Variants in INO80D observed in about 807,000 individuals in gnomAD.
INO80D encodes INO80 complex subunit D.
Under a neutral mutation model 87.6 loss-of-function variants are expected in INO80D, and 21 were observed. The ratio of observed to expected loss-of-function variants is 0.24; its 90% CI spans 0.17 to 0.35. The LOEUF is 0.35. Among genes scored for constraint, INO80D ranks in the 10% least tolerant of loss-of-function variants. The pLI, the probability that INO80D is intolerant of heterozygous loss-of-function variation, is 1.00. For synonymous variants in INO80D, 440 were observed against 491.0 expected (o/e 0.90, Z 1.37); for missense variants, 982 against 1,280.7 (o/e 0.77, Z 3.56).
intron 5 of INO80D, among the ~76,000 whole-genome samples, chr2:206,045,843 C>CAAGA (rs951038239): frequency 2.6e-5 from 4 of 152,148 alleles, no homozygotes; most frequent in Middle Eastern, 3.2e-3. Context: ...TACAGAGAGG[C>CAAGA]AAGATAGTGG....
In INO80D at chr2:206,004,192, C is replaced by CA; in HGVS notation, c.*175dup. 1 of 636,358 alleles carries CA rather than the reference C, an allele frequency of 1.6e-6. No homozygotes were observed. Among genetic ancestry groups the CA allele is most frequent in the Non-Finnish European group, 2.7e-6 (1 of 368,736 alleles). 39.4% of individuals were successfully genotyped at this position (636,358 alleles called of 1,614,324 possible). A position where few individuals can be genotyped will look rare whatever the true frequency, so the allele number is the denominator to read the frequency against. ...GAATGAGCACCAGTGCTAAGGAGCA[C>CA]ATGTGAACACTGTAGCGAGGTCCAC... On this transcript the variant is annotated 3_prime_UTR_variant, in exon 11 of 11. Coordinates refer to ENST00000403263, the MANE Select transcript of INO80D (RefSeq NM_017759.5). The surrounding 1 kb of genome is among the most constrained non-coding windows in gnomAD (Gnocchi z 4.9).
At position 206,003,955 on chromosome 2, in the gene INO80D, T is replaced by G; in HGVS notation, c.*413A>C. 4 of 187,210 alleles carry G rather than the reference T, an allele frequency of 2.1e-5. No homozygotes were observed. The highest frequency in any genetic ancestry group is 1.3e-4 in the South Asian group (1 of 7,818). The allele number at this position is 187,210 out of a possible 1,614,324, so 11.6% of individuals were successfully genotyped here. Reference sequence around the variant, plus strand: ...CATTTGCTGTCTCTTATACAGGAACTCAATTAATAAGATCATTCTATCTAG... The same window carrying G: ...CATTTGCTGTCTCTTATACAGGAACGCAATTAATAAGATCATTCTATCTAG... On this transcript the variant is annotated 3_prime_UTR_variant, in exon 11 of 11. Transcript: ENST00000403263.
At chr2:206,079,949 T>G (rs1173777300) in intron 1 of INO80D, among the ~76,000 whole-genome samples, 1 of 152,162 alleles carries the variant, frequency 6.6e-6, no homozygotes, top group Non-Finnish European at 1.5e-5. Flanking sequence ...AATGCCGAAC[T>G]CCTCCCATTC....
chr2:206,078,151 C>T (rs1221294521), intron 1 of INO80D, among the ~76,000 whole-genome samples: 2 of 149,834 alleles, frequency 1.3e-5, no homozygotes, highest in Non-Finnish European at 3.0e-5. Flanking sequence ...AGCACAGTGG[C>T]TCAGGCCTGT....
In INO80D at chr2:205,997,019, C is replaced by A. The variant is rs895044046; in HGVS notation, c.*7349G>T. On this transcript the variant is annotated 3_prime_UTR_variant, in exon 11 of 11. Coordinates refer to ENST00000403263, the MANE Select transcript of INO80D (RefSeq NM_017759.5). ...GAGCTTTCCTAGATCTTCACTATAT[C>A]TAAGATGAAGTAAATGATGCTCAAG... The A allele has an allele frequency of 4.6e-5, 7 of 152,002 alleles. No individual in the cohort carries two copies. 9.4% of individuals were successfully genotyped at this position (152,002 alleles called of 1,614,324 possible).
chr2:206,006,607 T>A (rs1380892010), intron 10 of INO80D, among the ~76,000 whole-genome samples: 1 of 138,796 alleles, frequency 7.2e-6, no homozygotes, highest in Non-Finnish European at 1.5e-5. Context: ...CGCTGGAACA[T>A]GGGAGGCAGA....
intron 5 of INO80D, among the ~76,000 whole-genome samples, chr2:206,043,595 C>A (rs1350261041): frequency 6.6e-6 from 1 of 152,200 alleles, no homozygotes; most frequent in Non-Finnish European, 1.5e-5. Flanking sequence ...TCACGCCATT[C>A]TCCTGCCTCA....
chr2:206,017,164 T>C (rs143170836), intron 8 of INO80D, among the ~76,000 whole-genome samples: 133 of 152,314 alleles, frequency 8.7e-4, no homozygotes, highest in Non-Finnish European at 1.5e-3. Flanking sequence ...AACATGTTTA[T>C]AGAGGGCAGG....
intron 5 of INO80D, among the ~76,000 whole-genome samples, chr2:206,042,627 G>A (rs750835008): frequency 3.4e-5 from 5 of 146,818 alleles, no homozygotes; most frequent in Non-Finnish European, 7.5e-5. Flanking sequence ...GTTGCAGTGA[G>A]CCAAAATCGT....
intron 8 of INO80D, among the ~76,000 whole-genome samples, chr2:206,011,359 C>T (rs1322217729): frequency 1.3e-5 from 2 of 152,198 alleles, no homozygotes; most frequent in Admixed American, 6.5e-5. Context: ...TTCTCCTAAG[C>T]TTGTGTGCAG....
In INO80D at chr2:205,996,497, C is replaced by G. The variant is rs1687811240; in HGVS notation, c.*7871G>C. 6.6e-6 allele frequency: 1 copy of G among 151,924 alleles called. No individual in the cohort carries two copies. Among genetic ancestry groups the G allele is most frequent in the Non-Finnish European group, 1.5e-5 (1 of 67,922 alleles). 9.4% of individuals were successfully genotyped at this position (151,924 alleles called of 1,614,324 possible). On this transcript the variant is annotated 3_prime_UTR_variant, in exon 11 of 11. Coordinates refer to ENST00000403263, the MANE Select transcript of INO80D (RefSeq NM_017759.5). Reference sequence around the variant, plus strand: ...TTTTAGTATGTTCTGATGATGTACTCTAGACTGTCACCTCCTCTGGCTTAC... The same window carrying G: ...TTTTAGTATGTTCTGATGATGTACTGTAGACTGTCACCTCCTCTGGCTTAC...
chr2:206,026,845 T>C (rs1365542650), intron 6 of INO80D, among the ~76,000 whole-genome samples: 1 of 152,026 alleles, frequency 6.6e-6, no homozygotes, highest in Non-Finnish European at 1.5e-5. Context: ...ATTTCTGATA[T>C]ACAGATTTTC....
rs200370542 is a variant in INO80D, at chr2:206,056,498, G to A, written c.664C>T (p.Pro222Ser). The change falls in exon 4 of 11, where the codon CCA becomes TCA. Residue 222 changes from proline to serine, a missense_variant. Coordinates refer to ENST00000403263, the MANE Select transcript of INO80D (RefSeq NM_017759.5). ...CAGACTGAACCCTGCGGTGGCGCTG[G>A]AGGTTTTAAAGAAGTAGATAAAGGT... is the stretch of plus-strand genomic sequence containing the variant. ...LSPLSTSLKP[P>S]APPQGSVCKS... The A allele has an allele frequency of 1.9e-6, 3 of 1,613,808 alleles. No homozygotes were observed. The African/African-American group carries it at 4.0e-5, about 22-fold the overall frequency.
intron 1 of INO80D, among the ~76,000 whole-genome samples, chr2:206,083,682 C>G (rs565328609): frequency 3.3e-4 from 50 of 152,160 alleles, no homozygotes; most frequent in African/African-American, 1.2e-3. Context: ...TTCGAAGCCT[C>G]ACGGAAGTCA....
intron 5 of INO80D, among the ~76,000 whole-genome samples, chr2:206,035,885 A>G (rs902483666): frequency 6.6e-6 from 1 of 152,212 alleles, no homozygotes; most frequent in African/African-American, 2.4e-5. Flanking sequence ...CAGTAAGAAG[A>G]AAACAAACAA....
intron 1 of INO80D, among the ~76,000 whole-genome samples, chr2:206,079,591 T>C (rs527983342): frequency 6.6e-6 from 1 of 152,298 alleles, no homozygotes; most frequent in East Asian, 1.9e-4. Context: ...CAATTGCCAT[T>C]GCCACCACCT....
intron 6 of INO80D, among the ~76,000 whole-genome samples, chr2:206,027,307 T>C (rs1688644177): frequency 6.6e-6 from 1 of 152,210 alleles, no homozygotes; most frequent in Admixed American, 6.5e-5. Context: ...AACAAGTATT[T>C]GCATTATAAA....
chr2:206,078,142 GCA>G (rs1690172993), intron 1 of INO80D, among the ~76,000 whole-genome samples: 2 of 141,858 alleles, frequency 1.4e-5, no homozygotes, highest in African/African-American at 2.6e-5. Flanking sequence ...ATAGGGCCAA[GCA>G]CAGTGGCTCA....
chr2:206,013,098 A>G (rs899922961), intron 8 of INO80D, among the ~76,000 whole-genome samples: 1 of 152,052 alleles, frequency 6.6e-6, no homozygotes, highest in Non-Finnish European at 1.5e-5. Flanking sequence ...TTTGATTAGT[A>G]TAATTTTGAT....
Sources: gnomAD v4.1 joint callset for allele counts (sites outside exome capture counted in the v4.1 genomes callset) on GRCh38, gnomAD v4.1.1 for gene constraint, Gnocchi (gnomAD v3.1) non-coding constraint, MANE v1.5 for transcripts, NCBI Gene and HGNC (gene_info 2026-07-23, HGNC 2026-07-21) for gene names.